MEGF11: variants seen among roughly 807,000 people sequenced by gnomAD.
The protein encoded by MEGF11 is multiple epidermal growth factor-like domains protein 11.
Under a neutral mutation model 146.6 loss-of-function variants are expected in MEGF11, and 126 were observed. The ratio of observed to expected loss-of-function variants is 0.86; its 90% confidence interval spans 0.74 to 1.00. The LOEUF (loss-of-function observed/expected upper bound fraction) is 1.00, where lower values mean the gene tolerates loss of function less well. Among genes scored for constraint, MEGF11 ranks in the 50% least tolerant of loss-of-function variants. The pLI is 0.00. For missense variants in MEGF11, 1,509 were observed against 1,521.2 expected, an observed-to-expected ratio of 0.99 and a Z score of 0.13; for synonymous variants, 532 against 583.4, an observed-to-expected ratio of 0.91 and a Z score of 1.27.
Position 65,982,264 on chromosome 15 carries a change from C to T in MEGF11, c.619G>A (p.Ala207Thr), listed in dbSNP as rs1442146688. 14 of 1,540,286 alleles carry T rather than the reference C, an allele frequency of 9.1e-6. No individual in the cohort carries two copies. Among genetic ancestry groups the T allele is most frequent in the South Asian group, 7.2e-5 (6 of 83,882 alleles). Residue 207 changes from alanine (A) to threonine (T), a missense_variant, in exon 6 of 26, where the codon GCA becomes ACA. Physicochemically the swap from Ala to Thr is moderately conservative, Grantham distance 58. Transcript: ENST00000395614. This position sits in a 1 kb window ranked among gnomAD's most constrained non-coding sequence, Gnocchi z 5.6. The part of the protein sequence containing the change: ...CDPRAGECLC[A>T]PGYTGVYCEE... Reference sequence around the variant, plus strand: ...CACTAGACGCCGGTGTAGCCAGGTGCGCAGAGGCACTCGCCGGCGCGGGGG... The same window carrying T: ...CACTAGACGCCGGTGTAGCCAGGTGTGCAGAGGCACTCGCCGGCGCGGGGG...
At chr15:65,899,109 C>T (rs1318732972) in intron 24 of MEGF11, among the ~76,000 whole-genome samples, 175 bp from the exon 25 acceptor site, 1 of 152,184 alleles carries the variant, frequency 6.6e-6, no homozygotes, top group Admixed American at 6.5e-5. Flanking sequence ...CCCAGGTAGG[C>T]AGAGTTCTTT....
intron 5 of MEGF11, among the ~76,000 whole-genome samples, chr15:66,009,254 T>G (rs1269254600): frequency 2.6e-5 from 4 of 151,898 alleles, no homozygotes; most frequent in African/African-American, 7.3e-5. Context: ...TTTTTTTTTT[T>G]TTTTTTTTTT....
At chr15:66,109,198 C>T (rs1320992449) in intron 4 of MEGF11, among the ~76,000 whole-genome samples, 1 of 152,154 alleles carries the variant, frequency 6.6e-6, no homozygotes, top group Non-Finnish European at 1.5e-5. Flanking sequence ...ATGGCTCACC[C>T]ATCCCTGCAC....
At chr15:66,171,343 G>T (rs1209360956) in intron 1 of MEGF11, among the ~76,000 whole-genome samples, 2 of 152,178 alleles carry the variant, frequency 1.3e-5, no homozygotes, top group Admixed American at 6.5e-5. Context: ...TCCCACCAGT[G>T]GTGCCAGGGC....
chr15:66,024,184 G>T (rs1282309425), intron 5 of MEGF11, among the ~76,000 whole-genome samples: 1 of 152,242 alleles, frequency 6.6e-6, no homozygotes, highest in Non-Finnish European at 1.5e-5. Flanking sequence ...AAAGCTGGAA[G>T]AATTTTAAAA....
Position 66,119,125 on chromosome 15 carries a change from A to G in MEGF11, c.262T>C (p.Cys88Arg). ...LRTMYRRRSQ[C>R]CPGYYESGDF... ...CCGCTCTCATAGTAGCCAGGGCAGCACTGGGACCTCCGCCGGTACATGGTC... is the reference window on the plus strand; with the variant it reads ...CCGCTCTCATAGTAGCCAGGGCAGCGCTGGGACCTCCGCCGGTACATGGTC... Residue 88 changes from cysteine to arginine, a missense_variant, in exon 4 of 26, where the codon TGC (cysteine) becomes CGC (arginine). Physicochemically the swap from Cys to Arg is radical, Grantham distance 180 (BLOSUM62 -3). Coordinates refer to ENST00000395614, the MANE Select transcript of MEGF11 (RefSeq NM_001385028.1). The G allele has an allele frequency of 6.4e-7, 1 of 1,551,540 alleles. No homozygotes were observed. Among genetic ancestry groups the G allele is most frequent in the Middle Eastern group, 1.7e-4 (1 of 5,994 alleles).
chr15:66,111,662 C>T (rs932461637), intron 4 of MEGF11, among the ~76,000 whole-genome samples: 2 of 152,160 alleles, frequency 1.3e-5, no homozygotes, highest in Admixed American at 6.5e-5. Context: ...GGGATTTGAA[C>T]ATGCTACCCA....
At chr15:65,984,543 A>G (rs987607315) in intron 5 of MEGF11, among the ~76,000 whole-genome samples, 1 of 149,830 alleles carries the variant, frequency 6.7e-6, no homozygotes, top group Non-Finnish European at 1.5e-5. Context: ...AAAAAAAAAA[A>G]AAAAAAAGGC....
At chr15:66,014,751 T>C (rs1012485031) in intron 5 of MEGF11, among the ~76,000 whole-genome samples, 2 of 152,194 alleles carry the variant, frequency 1.3e-5, no homozygotes, top group African/African-American at 4.8e-5. Flanking sequence ...AACTCTCCGC[T>C]TTCATCATCA....
At chr15:66,057,691 G>T (rs1047060546) in intron 5 of MEGF11, among the ~76,000 whole-genome samples, 3 of 151,982 alleles carry the variant, frequency 2.0e-5, no homozygotes, top group Admixed American at 6.6e-5. Flanking sequence ...GGGGTGGAAA[G>T]GTGGACCAGG....
chr15:65,916,628 C>T (rs1249776980), intron 17 of MEGF11, 200 bp downstream of exon 17: 1 of 974,402 alleles, frequency 1.0e-6, no homozygotes, highest in Non-Finnish European at 1.6e-6. Flanking sequence ...GGACTTTGGG[C>T]TTGTCAATCC....
intron 7 of MEGF11, 143 bp from the exon 8 acceptor site, chr15:65,970,832 C>G (rs1340827408): frequency 1.1e-6 from 1 of 928,868 alleles, no homozygotes. Context: ...CTCCAAAGCC[C>G]TCCTCTTAGA....
chr15:66,178,324 C>T (rs2090447343), intron 1 of MEGF11, among the ~76,000 whole-genome samples: 1 of 152,164 alleles, frequency 6.6e-6, no homozygotes, highest in Admixed American at 6.5e-5. Flanking sequence ...TGGTCTGCCT[C>T]AGGAACCAAA....
At chr15:65,976,971 CGTCCT>C (rs1046118852) in intron 7 of MEGF11, among the ~76,000 whole-genome samples, 5 of 151,876 alleles carry the variant, frequency 3.3e-5, no homozygotes, top group African/African-American at 1.2e-4. Context: ...AGATCGAGAC[CGTCCT>C]GTCTAACACG....
intron 1 of MEGF11, among the ~76,000 whole-genome samples, chr15:66,224,746 A>G (rs1440377338): frequency 1.4e-5 from 2 of 146,744 alleles, no homozygotes; most frequent in Non-Finnish European, 3.0e-5. Flanking sequence ...TCTCATATAT[A>G]TATATTTATA....
intron 5 of MEGF11, among the ~76,000 whole-genome samples, chr15:66,039,738 C>T (rs969705703): frequency 6.6e-6 from 1 of 151,856 alleles, no homozygotes; most frequent in Non-Finnish European, 1.5e-5. Context: ...AGCCATTTGG[C>T]TGAGGGTTCT....
intron 10 of MEGF11, among the ~76,000 whole-genome samples, chr15:65,932,906 A>C (rs527832092): frequency 7.0e-4 from 106 of 152,214 alleles, no homozygotes; most frequent in African/African-American, 2.5e-3. Flanking sequence ...TCTGGGCCCC[A>C]CTAGCTGTGT....
At chr15:66,113,347 T>C (rs539129417) in intron 4 of MEGF11, among the ~76,000 whole-genome samples, 2 of 152,224 alleles carry the variant, frequency 1.3e-5, no homozygotes, top group Admixed American at 6.5e-5. Context: ...AAAACCATAC[T>C]GCAGAGGGTG....
intron 21 of MEGF11, chr15:65,910,104 G>C: frequency 1.8e-6 from 1 of 553,536 alleles, no homozygotes; most frequent in Non-Finnish European, 3.4e-6. Flanking sequence ...TTAGCTGGGG[G>C]GTGGGGCTGA....
Sources: gnomAD v4.1 joint callset for allele counts (sites outside exome capture counted in the v4.1 genomes callset) on GRCh38, gnomAD v4.1.1 for gene constraint, Gnocchi (gnomAD v3.1) non-coding constraint, MANE v1.5 for transcripts, NCBI Gene and HGNC (gene_info 2026-07-23, HGNC 2026-07-21) for gene names.